The following RAB11FIP4 variants were observed in gnomAD, a reference collection of about 807,000 sequenced individuals.
The protein encoded by RAB11FIP4 is rab11 family-interacting protein 4.
A neutral mutation model predicts 74.3 loss-of-function variants in RAB11FIP4; 23 were observed. The observed-to-expected ratio is 0.31, with a 90% CI of 0.22 to 0.44. The LOEUF is 0.44. Ranked by LOEUF, RAB11FIP4 falls within the 20% of genes least tolerant of loss-of-function variation. The probability of loss-of-function intolerance (pLI) is 1.00; values close to 1 mark genes in which losing one functional copy is unlikely to be tolerated. For synonymous variants in RAB11FIP4, 360 were observed against 359.9 expected, an observed-to-expected ratio of 1.00 and a Z score of 0.00; for missense variants, 630 against 863.9, an observed-to-expected ratio of 0.73 and a Z score of 3.39.
chr17:31,427,350 G>A (rs1340954901), intron 1 of RAB11FIP4, among the ~76,000 whole-genome samples: 1 of 152,216 alleles, frequency 6.6e-6, no homozygotes, highest in Non-Finnish European at 1.5e-5. Context: ...AGCCTGGGGT[G>A]TGCCCCCGGT....
chr17:31,503,291 C>T (rs2072256142), intron 3 of RAB11FIP4, among the ~76,000 whole-genome samples: 1 of 149,850 alleles, frequency 6.7e-6, no homozygotes, highest in Admixed American at 6.6e-5. Context: ...CCTCGACCTC[C>T]CAAAGTGCTG....
chr17:31,477,774 C>A (rs1282414883), intron 3 of RAB11FIP4, among the ~76,000 whole-genome samples: 2 of 152,156 alleles, frequency 1.3e-5, no homozygotes, highest in Non-Finnish European at 1.5e-5. Flanking sequence ...CGGCTAGGTG[C>A]ACAGTCTCTG....
intron 3 of RAB11FIP4, among the ~76,000 whole-genome samples, chr17:31,482,786 A>T (rs2071862086): frequency 6.6e-6 from 1 of 152,068 alleles, no homozygotes; most frequent in African/African-American, 2.4e-5. Flanking sequence ...GAACTTCCTG[A>T]GCGTGGAGTC....
At chr17:31,462,594 G>C (rs2071644102) in intron 3 of RAB11FIP4, among the ~76,000 whole-genome samples, 1 of 152,024 alleles carries the variant, frequency 6.6e-6, no homozygotes, top group Non-Finnish European at 1.5e-5. Context: ...GACTCTTAGC[G>C]TCATTATCTC....
Position 31,528,739 on chromosome 17 carries a change from C to A in RAB11FIP4, c.1614C>A (p.Arg538=), listed in dbSNP as rs760338535. 2 of 1,611,176 alleles carry A rather than the reference C, an allele frequency of 1.2e-6. No homozygotes were observed. The highest frequency in any genetic ancestry group is 1.7e-6 in the Non-Finnish European group (2 of 1,179,554). Residue 538 remains arginine (R), a synonymous_variant, in exon 13 of 15, where the codon CGC becomes CGA. Coordinates refer to ENST00000621161, the MANE Select transcript of RAB11FIP4 (RefSeq NM_032932.6). The part of the protein sequence containing the change: ...SGLGEFNARA[R]EVELEHEVKR... ...TAGGCGAGTTCAATGCCAGGGCCCG[C>A]GAGGTGGAGCTCGAGCACGAGGTCA... is the stretch of plus-strand genomic sequence containing the variant.
intron 1 of RAB11FIP4, among the ~76,000 whole-genome samples, chr17:31,403,906 C>T (rs982552658): frequency 2.0e-5 from 3 of 152,196 alleles, no homozygotes; most frequent in African/African-American, 4.8e-5. Context: ...GGGGTGGTCT[C>T]GGTTGGGAAA....
intron 3 of RAB11FIP4, chr17:31,465,725 C>T (rs1171504257): frequency 1.3e-5 from 2 of 151,892 alleles, no homozygotes; most frequent in African/African-American, 2.4e-5. Context: ...TGAACAAGCC[C>T]AGGTCAAAAA....
intron 3 of RAB11FIP4, among the ~76,000 whole-genome samples, chr17:31,443,975 A>G (rs1268543912): frequency 6.6e-6 from 1 of 152,176 alleles, no homozygotes; most frequent in African/African-American, 2.4e-5. Context: ...CCTGAGCCCA[A>G]ATTGGCTCTT....
intron 1 of RAB11FIP4, among the ~76,000 whole-genome samples, chr17:31,415,552 C>T (rs1417317238): frequency 6.6e-6 from 1 of 152,168 alleles, no homozygotes; most frequent in Non-Finnish European, 1.5e-5. Context: ...AATCCCCATG[C>T]CCACCCCAAA....
intron 3 of RAB11FIP4, among the ~76,000 whole-genome samples, chr17:31,434,816 G>A (rs1190174263): frequency 1.3e-5 from 2 of 152,244 alleles, no homozygotes; most frequent in African/African-American, 2.4e-5. Context: ...CAGAGCTTCC[G>A]CACCTTCGCT....
chr17:31,493,936 C>T (rs925316316), intron 3 of RAB11FIP4, among the ~76,000 whole-genome samples: 10 of 152,072 alleles, frequency 6.6e-5, no homozygotes, highest in South Asian at 2.1e-4. Flanking sequence ...TGTGTGTTTG[C>T]GTGTCAGGCA....
At position 31,425,360 on chromosome 17, in the gene RAB11FIP4, C is replaced by T. The variant is rs192694315; in HGVS notation, c.160-6453C>T. ...ACAGCTTCACAGCGGCAAGATAAGC[C>T]GGCTTATCTCACTTGCTCAGATGAG... On this transcript the variant is annotated intron_variant, in intron 1 of 14. Coordinates refer to ENST00000621161, the MANE Select transcript of RAB11FIP4 (RefSeq NM_032932.6). Among the ~76,000 whole-genome samples, 252 of 152,220 alleles carry T rather than the reference C, an allele frequency of 1.7e-3. 2 individuals are homozygous for T. The highest frequency in any genetic ancestry group is 3.9e-4 in the East Asian group (2 of 5,184).
At chr17:31,453,623 G>A (rs1196341282) in intron 3 of RAB11FIP4, among the ~76,000 whole-genome samples, 5 of 151,430 alleles carry the variant, frequency 3.3e-5, no homozygotes, top group East Asian at 1.9e-4. Flanking sequence ...TCAGGAGTTC[G>A]AGACCAGCCT....
intron 3 of RAB11FIP4, among the ~76,000 whole-genome samples, chr17:31,464,610 C>A (rs1287851821): frequency 6.6e-6 from 1 of 152,002 alleles, no homozygotes; most frequent in Non-Finnish European, 1.5e-5. Flanking sequence ...CACCACCACA[C>A]CCAGCTAATT....
intron 3 of RAB11FIP4, among the ~76,000 whole-genome samples, chr17:31,438,957 A>AT (rs933709810): frequency 1.3e-5 from 2 of 151,440 alleles, no homozygotes; most frequent in African/African-American, 2.4e-5. Context: ...TAAAAAAAAA[A>AT]TTTTTACTTA....
intron 3 of RAB11FIP4, among the ~76,000 whole-genome samples, chr17:31,477,584 G>T (rs2142734899): frequency 6.6e-6 from 1 of 152,360 alleles, no homozygotes; most frequent in Middle Eastern, 3.4e-3. Flanking sequence ...GCTGCACCTT[G>T]TTCTTCCTTG....
At chr17:31,488,391 C>T (rs1953147132) in intron 3 of RAB11FIP4, 4 of 1,012,530 alleles carry the variant, frequency 4.0e-6, no homozygotes, top group African/African-American at 1.7e-5. Context: ...GGTCGTGTTA[C>T]CTGAGCCATC....
At chr17:31,526,352 A>T (rs1203044986) in intron 10 of RAB11FIP4, 3 of 152,226 alleles carry the variant, frequency 2.0e-5, no homozygotes, top group Non-Finnish European at 4.4e-5. Flanking sequence ...CCCGTCACAC[A>T]GCTCCGGGGG....
In RAB11FIP4 at chr17:31,531,565, TGCACC is replaced by T. The variant is rs2072871996; in HGVS notation, c.1798-50_1798-46del. The T allele has an allele frequency of 1.3e-5, 16 of 1,262,966 alleles. No homozygotes were observed. The East Asian group carries it at 3.7e-4, about 29-fold the overall frequency. The allele number at this position is 1,262,966 out of a possible 1,614,324, so 78.2% of individuals were successfully genotyped here. On this transcript the variant is annotated intron_variant, in intron 14 of 14. Coordinates refer to ENST00000621161, the MANE Select transcript of RAB11FIP4 (RefSeq NM_032932.6). ...CAAGCCTGGGAGTCTGGACTCTGCC[TGCACC>T]CTATCCCAGGCCCAGCCACTGACCC...
Sources: allele counts gnomAD v4.1 joint callset (sites outside exome capture counted in the v4.1 genomes callset), GRCh38; gene constraint gnomAD v4.1.1; transcripts MANE v1.5; gene names NCBI Gene and HGNC (gene_info 2026-07-23, HGNC 2026-07-21).